CRPPA: variants seen among roughly 807,000 people sequenced by gnomAD.
CRPPA encodes the protein CDP-L-ribitol pyrophosphorylase A, also known as D-ribitol-5-phosphate cytidylyltransferase.
CRPPA carries 43 observed loss-of-function variants against 52.0 expected under a neutral mutation model. The ratio of observed to expected loss-of-function variants is 0.83; its 90% confidence interval spans 0.65 to 1.07. CRPPA has a LOEUF of 1.07. Ranked by LOEUF, CRPPA falls within the 50% of genes least tolerant of loss-of-function variation. The pLI, the probability that CRPPA is intolerant of heterozygous loss-of-function variation, is 0.00. For synonymous variants in CRPPA, 250 were observed against 203.5 expected (o/e 1.23, Z -1.94); for missense variants, 629 against 551.7 (o/e 1.14, Z -1.40).
chr7:16,308,417 G>C, intron 4 of CRPPA, 106 bp downstream of exon 4: 1 of 660,276 alleles, frequency 1.5e-6, no homozygotes, highest in Admixed American at 2.4e-5. Context: ...GTAAACCCGT[G>C]AGACTCCCTT....
intron 5 of CRPPA, among the ~76,000 whole-genome samples, chr7:16,285,444 G>A (rs760628038): frequency 6.6e-6 from 1 of 152,030 alleles, no homozygotes; most frequent in Non-Finnish European, 1.5e-5. Flanking sequence ...AAGGCCAGTG[G>A]CAGATGGCAA....
intron 9 of CRPPA, among the ~76,000 whole-genome samples, chr7:16,136,798 C>A (rs182030913): frequency 6.6e-6 from 1 of 152,298 alleles, no homozygotes; most frequent in East Asian, 1.9e-4. Flanking sequence ...CACGCATACA[C>A]AAACATTTTG....
At chr7:16,231,268 G>C (rs183734470) in intron 8 of CRPPA, among the ~76,000 whole-genome samples, 67 of 152,232 alleles carry the variant, frequency 4.4e-4, no homozygotes, top group Non-Finnish European at 6.9e-4. Flanking sequence ...GCTAGGTACT[G>C]AAATCTCTCA....
Position 16,411,935 on chromosome 7 carries a change from A to G in CRPPA, c.258-5598T>C, listed in dbSNP as rs1293612200. On this transcript the variant is annotated intron_variant, in intron 1 of 9. Coordinates refer to ENST00000407010, the MANE Select transcript of CRPPA (RefSeq NM_001101426.4). ...TAAGGAAATCAGTTTGCTACTTTTT[A>G]AAGAAAATTTACATTGACTTAAATG... is the stretch of plus-strand genomic sequence containing the variant. Among the ~76,000 whole-genome samples the G allele has an allele frequency of 3.3e-5, 5 of 152,334 alleles. No homozygotes were observed. In the South Asian group the frequency reaches 6.2e-4, roughly 19 times the overall value.
chr7:16,379,506 G>C (rs1338666580), intron 2 of CRPPA, among the ~76,000 whole-genome samples: 1 of 152,176 alleles, frequency 6.6e-6, no homozygotes, highest in Non-Finnish European at 1.5e-5. Flanking sequence ...CTTTAAAGTA[G>C]TTTTTTCCAA....
At chr7:16,318,876 G>A (rs1427718285) in intron 3 of CRPPA, among the ~76,000 whole-genome samples, 1 of 152,168 alleles carries the variant, frequency 6.6e-6, no homozygotes. Flanking sequence ...GAATACTATT[G>A]CTGAGGACTG....
Position 16,308,509 on chromosome 7 carries a change from A to G in CRPPA, c.789+14T>C, listed in dbSNP as rs913936690. 4.9e-6 allele frequency: 7 copies of G among 1,441,948 alleles called. No homozygotes were observed. The highest frequency in any genetic ancestry group is 1.4e-5 in the African/African-American group (1 of 71,402). The allele number at this position is 1,441,948 out of a possible 1,614,324, so 89.3% of individuals were successfully genotyped here. On this transcript the variant is annotated intron_variant, in intron 4 of 9. Coordinates refer to ENST00000407010, the MANE Select transcript of CRPPA (RefSeq NM_001101426.4). Reference sequence around the variant, plus strand: ...GCACAGAAAAGAACCCAAGCAAGGTATCATCCCTCTTACCTTCCAGAGGTC... The same window carrying G: ...GCACAGAAAAGAACCCAAGCAAGGTGTCATCCCTCTTACCTTCCAGAGGTC...
intron 4 of CRPPA, among the ~76,000 whole-genome samples, chr7:16,303,306 T>G (rs974286041): frequency 2.0e-5 from 3 of 151,880 alleles, no homozygotes; most frequent in African/African-American, 7.3e-5. Context: ...TGGATAGAAG[T>G]GCAGTAGCCC....
At chr7:16,194,622 T>A (rs929706963) in intron 9 of CRPPA, among the ~76,000 whole-genome samples, 1 of 152,170 alleles carries the variant, frequency 6.6e-6, no homozygotes, top group Non-Finnish European at 1.5e-5. Flanking sequence ...CCTTGTATTA[T>A]GTTTTATTTT....
chr7:16,403,677 T>C (rs748671986), intron 2 of CRPPA, among the ~76,000 whole-genome samples: 1 of 152,180 alleles, frequency 6.6e-6, no homozygotes, highest in Non-Finnish European at 1.5e-5. Flanking sequence ...TGATAGTAAG[T>C]CAGTACAGTG....
chr7:16,282,902 T>C, intron 5 of CRPPA, among the ~76,000 whole-genome samples: 1 of 152,076 alleles, frequency 6.6e-6, no homozygotes. Flanking sequence ...CTACTAATGA[T>C]AAATTCTCAA....
intron 2 of CRPPA, among the ~76,000 whole-genome samples, chr7:16,396,569 C>T (rs1034849418): frequency 6.6e-6 from 1 of 152,202 alleles, no homozygotes; most frequent in African/African-American, 2.4e-5. Flanking sequence ...AATCCCACTA[C>T]TGGGTATCCA....
At chr7:16,378,941 C>T (rs1336894407) in intron 2 of CRPPA, among the ~76,000 whole-genome samples, 2 of 151,992 alleles carry the variant, frequency 1.3e-5, no homozygotes, top group Admixed American at 1.3e-4. Context: ...CTCCTTCACC[C>T]ACTTTTTGAT....
chr7:16,342,207 G>A (rs1050019274), intron 3 of CRPPA, among the ~76,000 whole-genome samples: 8 of 152,084 alleles, frequency 5.3e-5, no homozygotes, highest in Non-Finnish European at 1.0e-4. Flanking sequence ...CATAAATGAA[G>A]GTGTATGCTT....
intron 9 of CRPPA, among the ~76,000 whole-genome samples, chr7:16,115,640 T>A (rs1179528741): frequency 6.6e-6 from 1 of 152,170 alleles, no homozygotes; most frequent in Non-Finnish European, 1.5e-5. Context: ...TTGGAGAAAT[T>A]GCTCATTTCA....
At chr7:16,142,980 G>C (rs895135412) in intron 9 of CRPPA, among the ~76,000 whole-genome samples, 2 of 152,144 alleles carry the variant, frequency 1.3e-5, no homozygotes, top group African/African-American at 2.4e-5. Context: ...TAACTAGGTA[G>C]GGTTGGCAGT....
chr7:16,324,490 C>G (rs1785334259), intron 3 of CRPPA, among the ~76,000 whole-genome samples: 1 of 152,220 alleles, frequency 6.6e-6, no homozygotes, highest in South Asian at 2.1e-4. Flanking sequence ...AATTGGCAAA[C>G]ACCAACTCCT....
At chr7:16,217,202 G>T (rs1377660246) in intron 8 of CRPPA, among the ~76,000 whole-genome samples, 1 of 142,752 alleles carries the variant, frequency 7.0e-6, no homozygotes, top group Admixed American at 7.1e-5. Context: ...ACACGGCAGG[G>T]TATTCCAACA....
chr7:16,239,658 G>C (rs771207210), intron 8 of CRPPA, among the ~76,000 whole-genome samples: 2 of 149,452 alleles, frequency 1.3e-5, no homozygotes, highest in Non-Finnish European at 3.0e-5. Flanking sequence ...TTCTTACCTA[G>C]GGCTACGATC....
Sources: allele counts gnomAD v4.1 joint callset (sites outside exome capture counted in the v4.1 genomes callset), GRCh38; gene constraint gnomAD v4.1.1; transcripts MANE v1.5; gene names NCBI Gene and HGNC (gene_info 2026-07-23, HGNC 2026-07-21).